Variants in ANXA3 observed in about 807,000 individuals in gnomAD.
The protein encoded by ANXA3 is annexin A3, also known as 35-alpha calcimedin.
ANXA3 carries 46 observed loss-of-function variants against 48.8 expected under a neutral mutation model. The ratio of observed to expected loss-of-function variants is 0.94; its 90% CI spans 0.74 to 1.21. ANXA3 has a LOEUF of 1.21. Among genes scored for constraint, ANXA3 ranks in the 50% most tolerant of loss-of-function variants. ANXA3 has a pLI of 0.00. For synonymous variants in ANXA3, 128 were observed against 134.7 expected (o/e 0.95, Z 0.35); for missense variants, 383 against 378.6 (o/e 1.01, Z -0.10).
chr4:78,608,402 T>TG (rs1723695134), intron 12 of ANXA3, among the ~76,000 whole-genome samples: 1 of 152,088 alleles, frequency 6.6e-6, no homozygotes. Flanking sequence ...AATGAGGATG[T>TG]GGGGGCCAGA....
chr4:78,564,097 C>T (rs185656267), intron 2 of ANXA3, among the ~76,000 whole-genome samples: 4 of 152,330 alleles, frequency 2.6e-5, no homozygotes, highest in East Asian at 3.9e-4. Flanking sequence ...TAAACAAATA[C>T]ATGAAAATTA....
chr4:78,573,317 A>G, intron 3 of ANXA3, 50 bp downstream of exon 3: 1 of 1,386,348 alleles, frequency 7.2e-7, no homozygotes, highest in Non-Finnish European at 1.0e-6. Context: ...AAATCAGGCA[A>G]GTTACAATCT....
intron 6 of ANXA3, among the ~76,000 whole-genome samples, chr4:78,590,101 T>A (rs1228586717): frequency 6.6e-6 from 1 of 152,210 alleles, no homozygotes. Flanking sequence ...GTGAAATGAC[T>A]TATAAAGTCT....
chr4:78,563,368 C>G (rs1426332480), intron 2 of ANXA3, among the ~76,000 whole-genome samples: 2 of 152,180 alleles, frequency 1.3e-5, no homozygotes, highest in South Asian at 4.1e-4. Flanking sequence ...GTGCTGTGGT[C>G]TAAATGTCTG....
chr4:78,607,779 G>A (rs1488156160), intron 12 of ANXA3, among the ~76,000 whole-genome samples: 1 of 152,142 alleles, frequency 6.6e-6, no homozygotes, highest in African/African-American at 2.4e-5. Flanking sequence ...GAAGTTTGGG[G>A]TTAGAGAAAT....
At chr4:78,605,814 C>G (rs11725235) in intron 12 of ANXA3, among the ~76,000 whole-genome samples, 37,155 of 152,158 alleles carry the variant, frequency 0.24, 7,445 homozygotes, top group African/African-American at 0.55. Flanking sequence ...GGGCAGTAAG[C>G]CTGACAAAAA....
chr4:78,574,094 A>T (rs940550871), intron 3 of ANXA3, among the ~76,000 whole-genome samples: 11 of 152,162 alleles, frequency 7.2e-5, no homozygotes, highest in Non-Finnish European at 1.0e-4. Flanking sequence ...CACCAACAAC[A>T]GTAATAATTA....
At chr4:78,598,770 C>A (rs1230576477) in intron 10 of ANXA3, among the ~76,000 whole-genome samples, 1 of 151,964 alleles carries the variant, frequency 6.6e-6, no homozygotes, top group Admixed American at 6.6e-5. Context: ...AAATTCCTGA[C>A]CTCAAGTGAT....
At chr4:78,604,827 C>T (rs1723615127) in intron 12 of ANXA3, among the ~76,000 whole-genome samples, 1 of 152,182 alleles carries the variant, frequency 6.6e-6, no homozygotes, top group South Asian at 2.1e-4. Flanking sequence ...GAAACTTTCT[C>T]ATTTTATTTA....
At chr4:78,562,180 A>AT (rs1722639842) in intron 2 of ANXA3, among the ~76,000 whole-genome samples, 1 of 151,998 alleles carries the variant, frequency 6.6e-6, no homozygotes, top group Non-Finnish European at 1.5e-5. Flanking sequence ...AGAAGGTATG[A>AT]TTTGTTCTCT....
intron 6 of ANXA3, among the ~76,000 whole-genome samples, chr4:78,591,274 T>C (rs1458001172): frequency 2.0e-5 from 3 of 152,190 alleles, no homozygotes; most frequent in Non-Finnish European, 4.4e-5. Context: ...ATGCATCCCT[T>C]AGTGCCATTG....
At chr4:78,557,781 A>T (rs532304105) in intron 2 of ANXA3, among the ~76,000 whole-genome samples, 1 of 151,894 alleles carries the variant, frequency 6.6e-6, no homozygotes, top group African/African-American at 2.4e-5. Flanking sequence ...ATTAGGAACA[A>T]CTCAGAACTG....
At chr4:78,557,181 C>T (rs72873343) in intron 2 of ANXA3, among the ~76,000 whole-genome samples, 4,338 of 152,242 alleles carry the variant, frequency 0.028, 131 homozygotes, top group African/African-American at 0.076. Flanking sequence ...GTCTTTGGCT[C>T]CTGGAGGTCT....
intron 2 of ANXA3, among the ~76,000 whole-genome samples, chr4:78,564,885 G>C (rs1056958885): frequency 1.3e-5 from 2 of 152,134 alleles, no homozygotes; most frequent in Admixed American, 6.6e-5. Context: ...CTCCAGATAA[G>C]AGTCATGAAG....
chr4:78,583,998 C>A (rs1176533950), intron 5 of ANXA3, among the ~76,000 whole-genome samples: 3 of 152,218 alleles, frequency 2.0e-5, no homozygotes, highest in Admixed American at 2.0e-4. Flanking sequence ...CCTGCTCACC[C>A]ATTAATGATG....
rs377062190 is a variant in ANXA3, at chr4:78,582,265, C to T, written c.287C>T (p.Ala96Val). The T allele has an allele frequency of 3.1e-6, 5 of 1,612,546 alleles. No homozygotes were observed. Among genetic ancestry groups the T allele is most frequent in the Non-Finnish European group, 3.4e-6 (4 of 1,178,798 alleles). Reference protein sequence around the residue: ...ALVTPPAVFDAKQLKKSMKGA... With the variant: ...ALVTPPAVFDVKQLKKSMKGA... The stretch of plus-strand genomic sequence containing the variant: ...GTGACTCCACCAGCAGTCTTTGATG[C>T]AAAGCAGCTAAAGAAATCCATGAAG... The change falls in exon 5 of 13, where the codon GCA becomes GTA. Residue 96 changes from alanine to valine, a missense_variant. Ala to Val is a moderately conservative substitution (Grantham distance 64). Coordinates refer to ENST00000264908, the MANE Select transcript of ANXA3 (RefSeq NM_005139.3).
At chr4:78,589,074 G>T (rs1723234417) in intron 6 of ANXA3, among the ~76,000 whole-genome samples, 1 of 152,172 alleles carries the variant, frequency 6.6e-6, no homozygotes, top group South Asian at 2.1e-4. Context: ...ACAGTTCCAG[G>T]ATGTGAGCTT....
intron 5 of ANXA3, among the ~76,000 whole-genome samples, chr4:78,585,385 T>C (rs1359743631): frequency 6.6e-6 from 1 of 152,176 alleles, no homozygotes; most frequent in Non-Finnish European, 1.5e-5. Flanking sequence ...GACTCAGCCA[T>C]TATGTCTTCA....
At position 78,578,702 on chromosome 4, in the gene ANXA3, C is replaced by T. The variant is rs149225311; in HGVS notation, c.104-325C>T. On this transcript the variant is annotated intron_variant, in intron 3 of 12. Coordinates refer to ENST00000264908, the MANE Select transcript of ANXA3 (RefSeq NM_005139.3). Reference sequence around the variant, plus strand: ...GAGATAAAAGGCAATAAGACAGTAACCAAACCTCATAAAGGTAAAAAAGTC... The same window carrying T: ...GAGATAAAAGGCAATAAGACAGTAATCAAACCTCATAAAGGTAAAAAAGTC... Among the ~76,000 whole-genome samples, 288 of 152,048 alleles carry T rather than the reference C, an allele frequency of 1.9e-3. 2 individuals are homozygous for T. The highest frequency in any genetic ancestry group is 0.017 in the Admixed American group (267 of 15,274).
Sources: allele counts gnomAD v4.1 joint callset (sites outside exome capture counted in the v4.1 genomes callset), GRCh38; gene constraint gnomAD v4.1.1; transcripts MANE v1.5; gene names NCBI Gene and HGNC (gene_info 2026-07-23, HGNC 2026-07-21).